Variants in PNPLA8 observed in about 807,000 individuals in gnomAD.
The protein encoded by PNPLA8 is calcium-independent phospholipase A2-gamma.
PNPLA8 carries 39 observed loss-of-function variants against 76.9 expected under a neutral mutation model. The ratio of observed to expected loss-of-function variants is 0.51; its 90% CI spans 0.39 to 0.66. PNPLA8 has a LOEUF of 0.66. Among genes scored for constraint, PNPLA8 ranks in the 30% least tolerant of loss-of-function variants. PNPLA8 has a pLI of 0.00. For missense variants in PNPLA8, 887 were observed against 918.0 expected (o/e 0.97, Z 0.44); for synonymous variants, 301 against 307.9 (o/e 0.98, Z 0.24).
chr7:108,502,561 G>C lies in PNPLA8; in HGVS notation c.1288C>G (p.Leu430Val), dbSNP rs755081513. ...LQAAVREILA[L>V]IGYVDPVKGR... ...TTCACTGGATCCACATAGCCAATTA[G>C]GGCCAAAATTTCTCTAACTGCAGCC... The change falls in exon 5 of 11, where the codon CTA becomes GTA. Residue 430 changes from leucine (L) to valine (V), a missense_variant. By Grantham distance (32) the Leu-to-Val change is conservative (BLOSUM62 1). Transcript: ENST00000257694. The C allele has an allele frequency of 6.2e-7, 1 of 1,612,362 alleles. No individual in the cohort carries two copies. Among genetic ancestry groups the C allele is most frequent in the Admixed American group, 1.7e-5 (1 of 59,920 alleles).
chr7:108,484,462 G>A (rs1224250709), intron 9 of PNPLA8, among the ~76,000 whole-genome samples: 1 of 152,092 alleles, frequency 6.6e-6, no homozygotes, highest in Non-Finnish European at 1.5e-5. Context: ...CTGAGCTCAA[G>A]CGATCCTCCA....
intron 8 of PNPLA8, among the ~76,000 whole-genome samples, chr7:108,489,880 C>T (rs1403466568): frequency 6.6e-6 from 1 of 152,118 alleles, no homozygotes; most frequent in Non-Finnish European, 1.5e-5. Context: ...CATTGGGTTT[C>T]AAACACACAA....
In PNPLA8 at chr7:108,479,370, A is replaced by C. The variant is rs766150188; in HGVS notation, c.1888T>G (p.Leu630Val). 4 of 1,609,480 alleles carry C rather than the reference A, an allele frequency of 2.5e-6. No individual in the cohort carries two copies. The South Asian group carries it at 4.4e-5, about 18-fold the overall frequency. ...AATGCCGAAGGGTTATTCAGAAGCA[A>C]ACCTCCATCCTGCAAAATACAAGTT... The part of the protein sequence containing the change: ...LGNDLHQDGG[L>V]LLNNPSALAM... Residue 630 changes from leucine to valine, a missense_variant, in exon 10 of 11, where the codon TTG (leucine) becomes GTG (valine). Transcript: ENST00000257694.
rs1056760656 is a variant in PNPLA8, at chr7:108,471,016, A to G, written c.*1385T>C. 1 of 152,166 alleles carries G rather than the reference A, an allele frequency of 6.6e-6. No individual in the cohort carries two copies. The highest frequency in any genetic ancestry group is 2.4e-5 in the African/African-American group (1 of 41,426). 9.4% of individuals were successfully genotyped at this position (152,166 alleles called of 1,614,324 possible). On this transcript the variant is annotated 3_prime_UTR_variant, in exon 11 of 11. Coordinates refer to ENST00000257694, the MANE Select transcript of PNPLA8 (RefSeq NM_001256007.3). ...GGTCTAGCTTTAGTTTGTATGTCTA[A>G]AACAAGGGGCGCTAACCTTTGTTTC...
intron 1 of PNPLA8, among the ~76,000 whole-genome samples, chr7:108,523,790 C>T (rs1004344107): frequency 6.6e-6 from 1 of 152,144 alleles, no homozygotes; most frequent in East Asian, 1.9e-4. Context: ...CTTTCTGATG[C>T]TGGGGCTCTG....
At chr7:108,491,498 T>C (rs1179839209) in intron 7 of PNPLA8, 31 bp from the exon 8 acceptor site, 1 of 1,348,232 alleles carries the variant, frequency 7.4e-7, no homozygotes, top group Non-Finnish European at 1.1e-6. Flanking sequence ...ATAAGTTATA[T>C]CAAAATGACT....
intron 2 of PNPLA8, chr7:108,518,207 T>G (rs1863476972): frequency 6.6e-6 from 1 of 152,176 alleles, no homozygotes; most frequent in Admixed American, 6.5e-5. Flanking sequence ...TACCATCACT[T>G]TAGCGGTTAT....
chr7:108,527,886 C>T (rs1303923870), upstream of PNPLA8: 2 of 152,218 alleles, frequency 1.3e-5, no homozygotes, highest in East Asian at 3.9e-4. Flanking sequence ...AAAGTATGGT[C>T]AAGGAGAGAG....
chr7:108,519,212 G>A (rs1196264387), intron 2 of PNPLA8, among the ~76,000 whole-genome samples: 1 of 151,962 alleles, frequency 6.6e-6, no homozygotes, highest in Non-Finnish European at 1.5e-5. Flanking sequence ...CAGATAAATG[G>A]TGAAACCTTG....
At chr7:108,518,314 TAAA>T (rs1258201684) in intron 2 of PNPLA8, 1 of 152,074 alleles carries the variant, frequency 6.6e-6, no homozygotes, top group African/African-American at 2.4e-5. Context: ...ATGAAGACAG[TAAA>T]AAGATCAGCT....
intron 4 of PNPLA8, among the ~76,000 whole-genome samples, chr7:108,503,052 G>A (rs1458165961): frequency 2.0e-5 from 3 of 152,114 alleles, no homozygotes; most frequent in African/African-American, 4.8e-5. Flanking sequence ...AAGAAATAAT[G>A]AACCATCTTG....
chr7:108,496,975 G>A (rs1218247623), intron 6 of PNPLA8, among the ~76,000 whole-genome samples: 2 of 151,784 alleles, frequency 1.3e-5, no homozygotes, highest in East Asian at 3.9e-4. Flanking sequence ...GTTAACAAAT[G>A]TAAAGGGATT....
intron 1 of PNPLA8, among the ~76,000 whole-genome samples, chr7:108,523,020 G>A (rs902789690): frequency 1.2e-4 from 19 of 152,154 alleles, no homozygotes; most frequent in African/African-American, 4.6e-4. Context: ...CCAGAAGTTA[G>A]ATGGCAAAAA....
At position 108,515,515 on chromosome 7, in the gene PNPLA8, A is replaced by T; in HGVS notation, c.-24T>A. 7.3e-7 allele frequency: 1 copy of T among 1,374,526 alleles called. No individual in the cohort carries two copies. Among genetic ancestry groups the T allele is most frequent in the South Asian group, 2.1e-5 (1 of 47,346 alleles). 85.1% of individuals were successfully genotyped at this position (1,374,526 alleles called of 1,614,324 possible). A position where few individuals can be genotyped will look rare whatever the true frequency, so the allele number is the denominator to read the frequency against. The stretch of plus-strand genomic sequence containing the variant: ...ATAACTTAAAAATCATTTATTTTCT[A>T]TGACATTCTCTCACTTCTTGAACGC... On this transcript the variant is annotated 5_prime_UTR_variant, in exon 3 of 11. The change abolishes the stop of an existing upstream ORF in the 5' untranslated region. Coordinates refer to ENST00000257694, the MANE Select transcript of PNPLA8 (RefSeq NM_001256007.3).
intron 7 of PNPLA8, among the ~76,000 whole-genome samples, chr7:108,493,538 G>A (rs1302483353): frequency 6.8e-6 from 1 of 148,098 alleles, no homozygotes; most frequent in African/African-American, 2.5e-5. Flanking sequence ...CCCAGTAGCT[G>A]GGACTACAGG....
In PNPLA8 at chr7:108,505,846, A is replaced by T. The variant is rs528055801; in HGVS notation, c.1207-3204T>A. ...TGTAAGACATACACATACATACCGC[A>T]CATATGACAAGTGAGTTACAACCGT... On this transcript the variant is annotated intron_variant, in intron 4 of 10. Coordinates refer to ENST00000257694, the MANE Select transcript of PNPLA8 (RefSeq NM_001256007.3). Among the ~76,000 whole-genome samples the T allele has an allele frequency of 2.5e-4, 38 of 152,278 alleles. 2 individuals carry two copies. The South Asian group carries it at 7.7e-3, about 31-fold the overall frequency.
chr7:108,517,766 G>A (rs1161591442), intron 2 of PNPLA8, among the ~76,000 whole-genome samples: 1 of 152,104 alleles, frequency 6.6e-6, no homozygotes, highest in Non-Finnish European at 1.5e-5. Flanking sequence ...AATATGGGGT[G>A]TCTGTGTGTG....
intron 4 of PNPLA8, among the ~76,000 whole-genome samples, chr7:108,511,652 T>C (rs1024630803): frequency 1.2e-4 from 19 of 152,192 alleles, no homozygotes; most frequent in Non-Finnish European, 1.8e-4. Flanking sequence ...GCTGAAGGAC[T>C]GCGTTATATT....
chr7:108,514,444 G>A lies in PNPLA8; in HGVS notation c.1048C>T (p.Arg350Ter), dbSNP rs1248710641. 1.6e-5 allele frequency: 25 copies of A among 1,603,254 alleles called. No individual in the cohort carries two copies. Among genetic ancestry groups the A allele is most frequent in the Non-Finnish European group, 1.9e-5 (22 of 1,175,356 alleles). ...CACACTGAACAACTTGCCTTTTCTC[G>A]CTGAAGAGATAAACGCTTTTTCTCC... ...AEEKKRLSLQ[R>*]EKIIARVSID... The change falls in exon 3 of 11, where the codon CGA (arginine) becomes TGA (stop). Residue 350 changes from arginine (R) to a stop codon, truncating the protein, a stop_gained. Coordinates refer to ENST00000257694, the MANE Select transcript of PNPLA8 (RefSeq NM_001256007.3). LOFTEE classifies it high-confidence loss of function.
Sources: allele counts gnomAD v4.1 joint callset (sites outside exome capture counted in the v4.1 genomes callset), GRCh38; gene constraint gnomAD v4.1.1; transcripts MANE v1.5; gene names NCBI Gene and HGNC (gene_info 2026-07-23, HGNC 2026-07-21).